The following PRELID2 variants were observed in gnomAD, a reference collection of about 807,000 sequenced individuals.
PRELID2 encodes PRELI domain containing 2, also known as PRELI domain-containing protein 2.
In PRELID2, 25 loss-of-function variants were observed where a neutral mutation model predicts 28.4. The ratio of observed to expected loss-of-function variants is 0.88; its 90% CI spans 0.64 to 1.23. The LOEUF (loss-of-function observed/expected upper bound fraction) is 1.23, where lower values mean the gene tolerates loss of function less well. Ranked by LOEUF, PRELID2 falls within the 50% of genes most tolerant of loss-of-function variation. The pLI is 0.00. For missense variants in PRELID2, 201 were observed against 214.4 expected (o/e 0.94, Z 0.39); for synonymous variants, 76 against 71.6 (o/e 1.06, Z -0.31).
the PRELID2 span, among the ~76,000 whole-genome samples, chr5:145,281,583 G>A: frequency 6.6e-6 from 1 of 152,186 alleles, no homozygotes. Flanking sequence ...AGACAGTAAT[G>A]ACAACACCGT....
At chr5:145,651,997 A>C (rs1378626007) in intron 1 of PRELID2, among the ~76,000 whole-genome samples, 1 of 152,248 alleles carries the variant, frequency 6.6e-6, no homozygotes, top group Non-Finnish European at 1.5e-5. Flanking sequence ...AAGAAGCTAA[A>C]AACCATGAAA....
At chr5:145,680,362 T>C (rs1196119276) in intron 1 of PRELID2, among the ~76,000 whole-genome samples, 1 of 152,160 alleles carries the variant, frequency 6.6e-6, no homozygotes, top group African/African-American at 2.4e-5. Flanking sequence ...CTGTGCCCCC[T>C]AGGGGCTGGG....
At chr5:145,278,945 G>A in the PRELID2 span, among the ~76,000 whole-genome samples, 3 of 152,212 alleles carry the variant, frequency 2.0e-5, no homozygotes, top group East Asian at 5.8e-4. Context: ...GAGCATGAGT[G>A]GCCCTGTTCT....
chr5:145,695,228 A>G (rs1401346247), intron 1 of PRELID2, among the ~76,000 whole-genome samples: 2 of 152,220 alleles, frequency 1.3e-5, no homozygotes, highest in African/African-American at 2.4e-5. Context: ...TAGAGGTGAC[A>G]TGAATGCCAA....
the PRELID2 span, among the ~76,000 whole-genome samples, chr5:145,243,252 G>A: frequency 3.3e-5 from 5 of 152,040 alleles, no homozygotes; most frequent in Middle Eastern, 3.4e-3. Flanking sequence ...GTCCTACATC[G>A]GTTTGCCAAA....
At chr5:145,376,883 C>G in the PRELID2 span, among the ~76,000 whole-genome samples, 4 of 151,890 alleles carry the variant, frequency 2.6e-5, no homozygotes, top group African/African-American at 9.7e-5. Flanking sequence ...CTCCCTTCAT[C>G]TCTTTTAGTT....
chr5:145,675,839 C>T (rs1003003451), intron 1 of PRELID2, among the ~76,000 whole-genome samples: 9 of 152,172 alleles, frequency 5.9e-5, no homozygotes, highest in Admixed American at 5.9e-4. Flanking sequence ...TGAAGAACTA[C>T]ACAATTGTAA....
At chr5:145,327,227 C>T in the PRELID2 span, among the ~76,000 whole-genome samples, 1 of 151,764 alleles carries the variant, frequency 6.6e-6, no homozygotes, top group Non-Finnish European at 1.5e-5. Context: ...TTGAATTCTC[C>T]CATTATTATT....
chr5:145,821,150 T>TA (rs1754759582), intron 2 of PRELID2, among the ~76,000 whole-genome samples: 3 of 128,484 alleles, frequency 2.3e-5, no homozygotes, highest in Non-Finnish European at 5.1e-5. Flanking sequence ...CCAACTCTCC[T>TA]GGGTGTGTGT....
chr5:145,485,428 T>A (rs1237667024), intron 1 of PRELID2, among the ~76,000 whole-genome samples: 1 of 152,216 alleles, frequency 6.6e-6, no homozygotes, highest in Non-Finnish European at 1.5e-5. Context: ...AGTTCAAAGC[T>A]AGCCACAGAA....
intron 1 of PRELID2, among the ~76,000 whole-genome samples, chr5:145,513,719 G>C (rs1426320680): frequency 6.6e-6 from 1 of 152,068 alleles, no homozygotes; most frequent in Non-Finnish European, 1.5e-5. Context: ...TAGAATTAAG[G>C]AAAAAATGTT....
intron 1 of PRELID2, among the ~76,000 whole-genome samples, chr5:145,675,733 T>A (rs1754800338): frequency 6.6e-6 from 1 of 152,080 alleles, no homozygotes; most frequent in Non-Finnish European, 1.5e-5. Context: ...TTTAAAGGAT[T>A]ATAGAAAAAA....
intron 1 of PRELID2, among the ~76,000 whole-genome samples, chr5:145,673,993 AG>A (rs1342336738): frequency 6.6e-6 from 1 of 152,208 alleles, no homozygotes; most frequent in African/African-American, 2.4e-5. Flanking sequence ...TTTCATACTT[AG>A]TGAGTGCCAA....
chr5:145,378,948 C>T, the PRELID2 span, among the ~76,000 whole-genome samples: 1 of 151,956 alleles, frequency 6.6e-6, no homozygotes, highest in Non-Finnish European at 1.5e-5. Flanking sequence ...GAGGGTCAAC[C>T]TTTGGATTAT....
chr5:145,245,322 A>G, the PRELID2 span, among the ~76,000 whole-genome samples: 12,729 of 152,134 alleles, frequency 0.084, 1,167 homozygotes, highest in African/African-American at 0.23. Flanking sequence ...AGTGCAATGA[A>G]GATATCCTTC....
Position 145,681,457 on chromosome 5 carries a change from G to A in PRELID2, n.70+83474C>T, listed in dbSNP as rs1034745511. ...ACACAGTGCCTCACACAGAAAATGT[G>A]CTCCAGGATAAATGTTTATGAAGGC... On this transcript the variant is annotated intron_variant and non_coding_transcript_variant, in intron 1 of 2. Transcript: ENST00000510259. Among the ~76,000 whole-genome samples, 13 of 152,264 alleles carry A rather than the reference G, an allele frequency of 8.5e-5. No homozygotes were observed. The South Asian group carries it at 1.7e-3, about 19-fold the overall frequency.
chr5:145,810,206 AT>A (rs1269081505), intron 4 of PRELID2, among the ~76,000 whole-genome samples: 1 of 152,102 alleles, frequency 6.6e-6, no homozygotes, highest in East Asian at 1.9e-4. Context: ...GCTGACTTTA[AT>A]TTTTTCCTCT....
At chr5:145,668,463 A>T (rs1386004687) in intron 1 of PRELID2, among the ~76,000 whole-genome samples, 1 of 152,044 alleles carries the variant, frequency 6.6e-6, no homozygotes, top group East Asian at 1.9e-4. Context: ...AAGGCAGTAT[A>T]GCTGTTTATT....
At chr5:145,361,743 T>G in the PRELID2 span, among the ~76,000 whole-genome samples, 1 of 152,190 alleles carries the variant, frequency 6.6e-6, no homozygotes, top group Non-Finnish European at 1.5e-5. Flanking sequence ...TGTTCTGAGT[T>G]TCTGAACCAC....
Sources: gnomAD v4.1 joint callset for allele counts (sites outside exome capture counted in the v4.1 genomes callset) on GRCh38, gnomAD v4.1.1 for gene constraint, MANE v1.5 for transcripts, NCBI Gene and HGNC (gene_info 2026-07-23, HGNC 2026-07-21) for gene names.